The following KDM4C variants were observed in gnomAD, a reference collection of about 807,000 sequenced individuals.
KDM4C encodes the protein lysine-specific demethylase 4C.
KDM4C carries 81 observed loss-of-function variants against 129.3 expected under a neutral mutation model. That is an observed-to-expected ratio of 0.63 (90% CI 0.52 to 0.75). The LOEUF is 0.75. Ranked by LOEUF, KDM4C falls within the 30% of genes least tolerant of loss-of-function variation. The pLI, the probability that KDM4C is intolerant of heterozygous loss-of-function variation, is 0.00. For synonymous variants in KDM4C, 573 were observed against 456.1 expected (o/e 1.26, Z -3.26); for missense variants, 1,457 against 1,304.0 (o/e 1.12, Z -1.81).
intron 17 of KDM4C, among the ~76,000 whole-genome samples, chr9:7,091,883 A>G (rs1391262112): frequency 1.3e-5 from 2 of 152,206 alleles, no homozygotes; most frequent in African/African-American, 4.8e-5. Context: ...AGAGTTGGTG[A>G]TGCTTGTCCT....
intron 6 of KDM4C, among the ~76,000 whole-genome samples, chr9:6,884,150 A>G (rs1182505645): frequency 1.3e-5 from 2 of 152,130 alleles, no homozygotes; most frequent in African/African-American, 4.8e-5. Context: ...CTGCTGGTAG[A>G]GATGTTGATG....
intron 9 of KDM4C, 44 bp downstream of exon 9, chr9:6,981,162 T>A (rs764926446): frequency 1.3e-5 from 20 of 1,521,442 alleles, no homozygotes; most frequent in Non-Finnish European, 1.8e-5. Context: ...CTGTCGTGTT[T>A]TCTCAGTTAA....
chr9:7,055,192 AC>A (rs1464325996), intron 17 of KDM4C, among the ~76,000 whole-genome samples: 1 of 152,148 alleles, frequency 6.6e-6, no homozygotes, highest in East Asian at 1.9e-4. Flanking sequence ...ACAAACAAAC[AC>A]AAAAAATTTG....
At chr9:6,757,626 C>T (rs1353239223), upstream of KDM4C, 7 of 985,470 alleles carry the variant, frequency 7.1e-6, no homozygotes, top group Non-Finnish European at 8.4e-6. Context: ...CGCTGACGTC[C>T]GCGCGTCGGA....
intron 8 of KDM4C, among the ~76,000 whole-genome samples, chr9:6,937,527 T>C (rs1345804755): frequency 6.6e-6 from 1 of 152,136 alleles, no homozygotes; most frequent in East Asian, 1.9e-4. Flanking sequence ...TTTATTGTAA[T>C]CTTACATCTT....
rs1845319130 is a variant in KDM4C at position 7,175,048 on chromosome 9, G to T, written c.*319G>T. ...AAAAGCCACTGCCACAGAGGAGGCGGGTCCCCTTGTGCGGCTTAGGGCCCT... is the reference window on the plus strand; with the variant it reads ...AAAAGCCACTGCCACAGAGGAGGCGTGTCCCCTTGTGCGGCTTAGGGCCCT... On this transcript the variant is annotated 3_prime_UTR_variant, in exon 22 of 22. Coordinates refer to ENST00000381309, the MANE Select transcript of KDM4C (RefSeq NM_015061.6). 4.6e-6 allele frequency: 1 copy of T among 216,984 alleles called. No homozygotes were observed. Among genetic ancestry groups the T allele is most frequent in the African/African-American group, 2.2e-5 (1 of 44,768 alleles). 13.4% of individuals were successfully genotyped at this position (216,984 alleles called of 1,614,324 possible). A position where few individuals can be genotyped will look rare whatever the true frequency, so the allele number is the denominator to read the frequency against.
chr9:6,836,506 C>T (rs1835906672), intron 4 of KDM4C, among the ~76,000 whole-genome samples: 1 of 152,176 alleles, frequency 6.6e-6, no homozygotes, highest in Non-Finnish European at 1.5e-5. Flanking sequence ...ACAACATTAA[C>T]AGCACTGCTC....
chr9:6,784,267 G>T (rs1215016795), intron 1 of KDM4C, among the ~76,000 whole-genome samples: 2 of 152,240 alleles, frequency 1.3e-5, no homozygotes, highest in East Asian at 3.9e-4. Context: ...GAGGCATGTG[G>T]GAGGGATTAA....
chr9:6,935,236 T>A (rs1456154619), intron 8 of KDM4C, among the ~76,000 whole-genome samples: 2 of 152,166 alleles, frequency 1.3e-5, no homozygotes, highest in Non-Finnish European at 2.9e-5. Flanking sequence ...ATCTCAATAA[T>A]TTAGGCATAT....
chr9:6,741,944 C>A (rs1219058875), intron 1 of KDM4C, among the ~76,000 whole-genome samples: 1 of 150,616 alleles, frequency 6.6e-6, no homozygotes, highest in African/African-American at 2.4e-5. Flanking sequence ...TCTAATGGCT[C>A]AAAAACAATA....
chr9:6,806,590 G>T (rs967526236), intron 3 of KDM4C, among the ~76,000 whole-genome samples: 9 of 152,000 alleles, frequency 5.9e-5, no homozygotes, highest in Non-Finnish European at 7.4e-5. Context: ...TCAGGAATCT[G>T]ACCTTCAGAT....
At position 6,855,248 on chromosome 9, in the gene KDM4C, C is replaced by G. The variant is rs141549470; in HGVS notation, c.629+5548C>G. Among the ~76,000 whole-genome samples the G allele has an allele frequency of 8.5e-3, 1,300 of 152,126 alleles. 13 individuals carry two copies. The highest frequency in any genetic ancestry group is 0.026 in the African/African-American group (1,073 of 41,478). ...GGCTGAGGCGGGCAGATCACGAGGT[C>G]AGGAGTTCGAGACTAGCCTGGCCAA... On this transcript the variant is annotated intron_variant, in intron 5 of 21. Coordinates refer to ENST00000381309, the MANE Select transcript of KDM4C (RefSeq NM_015061.6).
At chr9:6,822,732 C>G (rs1258168646) in intron 4 of KDM4C, among the ~76,000 whole-genome samples, 23 of 152,092 alleles carry the variant, frequency 1.5e-4, no homozygotes, top group Non-Finnish European at 1.6e-4. Flanking sequence ...AACAAACACA[C>G]AAAGATAAAG....
intron 5 of KDM4C, among the ~76,000 whole-genome samples, chr9:6,871,149 A>G (rs1441212893): frequency 6.6e-6 from 1 of 152,250 alleles, no homozygotes; most frequent in East Asian, 1.9e-4. Flanking sequence ...TTTGAGAAGT[A>G]CTGGTAAACA....
At chr9:7,083,710 G>GGTGTGTGTGTGT (rs1257662179) in intron 17 of KDM4C, among the ~76,000 whole-genome samples, 1,755 of 65,508 alleles carry the variant, frequency 0.027, 31 homozygotes, top group East Asian at 0.14. Flanking sequence ...GCACATGACT[G>GGTGTGTGTGTGT]ATGTGTGTGT....
At position 7,075,603 on chromosome 9, in the gene KDM4C, A is replaced by G. The variant is rs1259593382; in HGVS notation, c.2424+26403A>G. 2.0e-5 allele frequency among the ~76,000 whole-genome samples: 3 copies of G among 152,112 alleles called. No homozygotes were observed. In the East Asian group the frequency reaches 5.8e-4, roughly 29 times the overall value. On this transcript the variant is annotated intron_variant, in intron 17 of 21. Coordinates refer to ENST00000381309, the MANE Select transcript of KDM4C (RefSeq NM_015061.6). ...CACTTCTGCTTTCCACAGTGAGTTG[A>G]AGCAGCCTGAGGTCCTCACCACATG...
intron 13 of KDM4C, among the ~76,000 whole-genome samples, chr9:7,012,727 T>C (rs1472361406): frequency 6.6e-6 from 1 of 152,202 alleles, no homozygotes; most frequent in African/African-American, 2.4e-5. Flanking sequence ...CTCAAACAGT[T>C]GAAATATTTT....
At chr9:6,860,577 T>C (rs927740909) in intron 5 of KDM4C, among the ~76,000 whole-genome samples, 1 of 152,158 alleles carries the variant, frequency 6.6e-6, no homozygotes, top group African/African-American at 2.4e-5. Flanking sequence ...AGTTTACCTG[T>C]ATAACAAACC....
chr9:6,762,354 T>C (rs1238801517), intron 1 of KDM4C, among the ~76,000 whole-genome samples: 1 of 151,718 alleles, frequency 6.6e-6, no homozygotes, highest in African/African-American at 2.4e-5. Flanking sequence ...TTTCTGTTTG[T>C]AGAGATGGGG....
Sources: gnomAD v4.1 joint callset for allele counts (sites outside exome capture counted in the v4.1 genomes callset) on GRCh38, gnomAD v4.1.1 for gene constraint, MANE v1.5 for transcripts, NCBI Gene and HGNC (gene_info 2026-07-23, HGNC 2026-07-21) for gene names.